The following CHCHD6 variants were observed in gnomAD, a reference collection of about 807,000 sequenced individuals.
The protein encoded by CHCHD6 is coiled-coil-helix-coiled-coil-helix domain containing 6.
Under a neutral mutation model 32.3 loss-of-function variants are expected in CHCHD6, and 28 were observed. The observed-to-expected ratio is 0.87, with a 90% CI of 0.64 to 1.19. CHCHD6 has a LOEUF of 1.19. CHCHD6 is among the 50% of genes most tolerant of loss of function. The pLI, the probability that CHCHD6 is intolerant of heterozygous loss-of-function variation, is 0.00. For missense variants in CHCHD6, 333 were observed against 307.0 expected, an observed-to-expected ratio of 1.08 and a Z score of -0.63; for synonymous variants, 122 against 117.5, an observed-to-expected ratio of 1.04 and a Z score of -0.25.
intron 5 of CHCHD6, among the ~76,000 whole-genome samples, chr3:126,872,054 G>C (rs1286627012): frequency 2.0e-5 from 3 of 152,070 alleles, no homozygotes; most frequent in Non-Finnish European, 4.4e-5. Context: ...TTCCCCTTAG[G>C]GTGTGGTGGC....
chr3:126,852,710 C>T lies in CHCHD6; in HGVS notation c.475C>T (p.Leu159=), dbSNP rs200883827. The T allele has an allele frequency of 1.2e-6, 2 of 1,613,086 alleles. No individual in the cohort carries two copies. The highest frequency in any genetic ancestry group is 4.5e-5 in the East Asian group (2 of 44,834). The part of the protein sequence containing the change: ...RRRDTFYKEQ[L]ERIERKNAEM... The stretch of plus-strand genomic sequence containing the variant: ...CCGTGACACCTTCTACAAGGAGCAG[C>T]TGGAGCGTATTGAGAGGAAGGTAAG... The change falls in exon 5 of 8, where the codon CTG becomes TTG. Residue 159 remains leucine (L), a synonymous_variant. Transcript: ENST00000290913.
chr3:126,854,357 T>TAA (rs777162185), intron 5 of CHCHD6, among the ~76,000 whole-genome samples: 2 of 145,340 alleles, frequency 1.4e-5, no homozygotes, highest in African/African-American at 5.1e-5. Context: ...CTGGTGATAA[T>TAA]AAAAAAAAAA....
At chr3:126,853,152 G>T (rs1173903751) in intron 5 of CHCHD6, among the ~76,000 whole-genome samples, 1 of 151,752 alleles carries the variant, frequency 6.6e-6, no homozygotes, top group Non-Finnish European at 1.5e-5. Context: ...ATTTTCTCCT[G>T]GGAGTCGGGA....
At chr3:126,832,777 G>C (rs142783424) in intron 4 of CHCHD6, among the ~76,000 whole-genome samples, 1 of 152,146 alleles carries the variant, frequency 6.6e-6, no homozygotes, top group Non-Finnish European at 1.5e-5. Flanking sequence ...CCAGAGAAAG[G>C]GGGAGGGCTG....
Position 126,852,557 on chromosome 3 carries a change from G to A in CHCHD6, c.412-90G>A. On this transcript the variant is annotated intron_variant, in intron 4 of 7. Coordinates refer to ENST00000290913, the MANE Select transcript of CHCHD6 (RefSeq NM_032343.3). ...TATTGCTACTGTTCTCATTGTGAATGTGAGCAGAAATGTCCGTCGCCTTCT... is the reference window on the plus strand; with the variant it reads ...TATTGCTACTGTTCTCATTGTGAATATGAGCAGAAATGTCCGTCGCCTTCT... 3 of 844,422 alleles carry A rather than the reference G, an allele frequency of 3.6e-6. No individual in the cohort carries two copies. The South Asian group carries it at 4.2e-5, about 12-fold the overall frequency. The allele number at this position is 844,422 out of a possible 1,614,324, so 52.3% of individuals were successfully genotyped here.
chr3:126,751,560 C>T (rs923989241), intron 4 of CHCHD6, among the ~76,000 whole-genome samples: 3 of 149,922 alleles, frequency 2.0e-5, no homozygotes, highest in Non-Finnish European at 4.4e-5. Flanking sequence ...TTTATCTTAT[C>T]CTCTAGGGTA....
chr3:126,719,490 GCATTTCTGAAGTGGGGATGT>G (rs1935179846), intron 1 of CHCHD6, among the ~76,000 whole-genome samples: 1 of 152,150 alleles, frequency 6.6e-6, no homozygotes, highest in Non-Finnish European at 1.5e-5. Context: ...ATACATTTAA[GCATTTCTGAAGTGGGGATGT>G]TGTGTATGAT....
intron 6 of CHCHD6, among the ~76,000 whole-genome samples, chr3:126,950,614 C>A (rs1422150071): frequency 4.6e-5 from 7 of 152,134 alleles, no homozygotes; most frequent in Admixed American, 4.6e-4. Context: ...CCATGCCTGG[C>A]TAATTTGTGT....
At chr3:126,800,026 T>C (rs1938988976) in intron 4 of CHCHD6, among the ~76,000 whole-genome samples, 1 of 152,222 alleles carries the variant, frequency 6.6e-6, no homozygotes, top group African/African-American at 2.4e-5. Flanking sequence ...TATTATATAC[T>C]TATTTCCTGT....
At chr3:126,742,347 C>CT (rs1265442193) in intron 4 of CHCHD6, among the ~76,000 whole-genome samples, 2 of 152,204 alleles carry the variant, frequency 1.3e-5, no homozygotes, top group Non-Finnish European at 1.5e-5. Context: ...CTGGTTACTA[C>CT]TTACTGCTGC....
At chr3:126,935,237 A>G (rs2078462803) in intron 6 of CHCHD6, 1 of 770,820 alleles carries the variant, frequency 1.3e-6, no homozygotes, top group Non-Finnish European at 1.6e-6. Context: ...GGCTCAGTGT[A>G]TCCCAGATGT....
chr3:126,709,006 GTA>G (rs1331453741), intron 1 of CHCHD6, among the ~76,000 whole-genome samples: 2 of 152,104 alleles, frequency 1.3e-5, no homozygotes, highest in African/African-American at 4.8e-5. Context: ...GGAAAATGGT[GTA>G]TTTGCATATA....
intron 3 of CHCHD6, among the ~76,000 whole-genome samples, chr3:126,732,800 G>C (rs928955716): frequency 7.2e-5 from 11 of 152,166 alleles, no homozygotes; most frequent in Non-Finnish European, 5.9e-5. Flanking sequence ...ACTGGGCATG[G>C]GGCTGCCTAC....
chr3:126,894,540 A>G (rs2077810511), intron 5 of CHCHD6, among the ~76,000 whole-genome samples: 1 of 152,190 alleles, frequency 6.6e-6, no homozygotes. Context: ...GTTCTGTTCC[A>G]GACTAGTTGC....
chr3:126,860,302 G>A (rs572001290), intron 5 of CHCHD6, among the ~76,000 whole-genome samples: 2 of 152,210 alleles, frequency 1.3e-5, no homozygotes, highest in African/African-American at 4.8e-5. Flanking sequence ...AACCTGCTGA[G>A]TGAGGGATCT....
intron 4 of CHCHD6, among the ~76,000 whole-genome samples, chr3:126,811,493 G>T (rs190539094): frequency 6.6e-6 from 1 of 152,170 alleles, no homozygotes; most frequent in East Asian, 1.9e-4. Context: ...ACAAAAAGTG[G>T]CTTGCAGACC....
intron 1 of CHCHD6, among the ~76,000 whole-genome samples, chr3:126,723,874 C>T (rs544716307): frequency 1.6e-4 from 25 of 152,208 alleles, no homozygotes; most frequent in African/African-American, 2.6e-4. Context: ...TCTTTCCCTC[C>T]GCTGTGTTTT....
chr3:126,921,565 A>G (rs2078247683), intron 6 of CHCHD6, among the ~76,000 whole-genome samples: 1 of 152,160 alleles, frequency 6.6e-6, no homozygotes, highest in African/African-American at 2.4e-5. Flanking sequence ...TTGTCAGGAA[A>G]CTTGTACAGT....
intron 4 of CHCHD6, 52 bp from the exon 5 acceptor site, chr3:126,852,595 A>C (rs1385191464): frequency 7.3e-7 from 1 of 1,368,526 alleles, no homozygotes; most frequent in Non-Finnish European, 1.0e-6. Flanking sequence ...CTGCAGCACC[A>C]TTCCAGCACC....
Sources: gnomAD v4.1 joint callset for allele counts (sites outside exome capture counted in the v4.1 genomes callset) on GRCh38, gnomAD v4.1.1 for gene constraint, MANE v1.5 for transcripts, NCBI Gene and HGNC (gene_info 2026-07-23, HGNC 2026-07-21) for gene names.